BBX: variants seen among roughly 807,000 people sequenced by gnomAD.
BBX encodes BBX high mobility group box domain containing.
Under a neutral mutation model 100.2 loss-of-function variants are expected in BBX, and 30 were observed. That is an observed-to-expected ratio of 0.30 (90% CI 0.22 to 0.41). The LOEUF is 0.41. Among genes scored for constraint, BBX ranks in the 10% least tolerant of loss-of-function variants. BBX has a pLI of 1.00. For synonymous variants in BBX, 376 were observed against 388.1 expected (o/e 0.97, Z 0.37); for missense variants, 1,023 against 1,129.8 (o/e 0.91, Z 1.35).
At chr3:107,632,956 A>G (rs1241495683) in intron 2 of BBX, among the ~76,000 whole-genome samples, 1 of 152,230 alleles carries the variant, frequency 6.6e-6, no homozygotes, top group African/African-American at 2.4e-5. Flanking sequence ...TGATTAAAAA[A>G]CAACGACAAC....
At chr3:107,791,650 TG>T (rs2069052848) in intron 15 of BBX, among the ~76,000 whole-genome samples, 2 of 152,314 alleles carry the variant, frequency 1.3e-5, no homozygotes, top group South Asian at 4.1e-4. Context: ...CCTGGTTGGC[TG>T]GGCATGGGCA....
chr3:107,660,157 C>G (rs1020408186), intron 3 of BBX, among the ~76,000 whole-genome samples: 16 of 151,976 alleles, frequency 1.1e-4, no homozygotes, highest in Admixed American at 8.5e-4. Context: ...TAGTATCACT[C>G]ATCTAGATAT....
intron 16 of BBX, among the ~76,000 whole-genome samples, chr3:107,800,759 G>GC (rs1388024278): frequency 1.3e-5 from 2 of 152,244 alleles, no homozygotes; most frequent in Non-Finnish European, 2.9e-5. Flanking sequence ...GCATCTACAG[G>GC]CCCCTCTACA....
intron 3 of BBX, among the ~76,000 whole-genome samples, chr3:107,683,313 A>G (rs1432083394): frequency 2.6e-5 from 4 of 152,024 alleles, no homozygotes; most frequent in African/African-American, 9.7e-5. Context: ...TCAAGGTGTG[A>G]TGTGGTGTAA....
At chr3:107,718,487 G>A (rs577838041) in intron 5 of BBX, among the ~76,000 whole-genome samples, 2 of 151,436 alleles carry the variant, frequency 1.3e-5, no homozygotes, top group African/African-American at 4.8e-5. Flanking sequence ...CCATTAAATA[G>A]CCTTACATTT....
chr3:107,703,739 G>A (rs1283003690), intron 3 of BBX, among the ~76,000 whole-genome samples: 6 of 152,174 alleles, frequency 3.9e-5, no homozygotes. Flanking sequence ...TATTTTTCAT[G>A]TACTTTGTCT....
At chr3:107,713,688 G>T (rs959874007) in intron 4 of BBX, among the ~76,000 whole-genome samples, 1 of 152,098 alleles carries the variant, frequency 6.6e-6, no homozygotes, top group African/African-American at 2.4e-5. Context: ...GGTCCATACA[G>T]TTCCAAACTG....
intron 10 of BBX, among the ~76,000 whole-genome samples, chr3:107,761,035 T>C (rs116135353): frequency 0.011 from 1,619 of 152,318 alleles, 10 homozygotes; most frequent in Non-Finnish European, 0.017. Context: ...CTTTCCCTGC[T>C]GAGCCCTCAG....
At chr3:107,699,859 A>G (rs1361497011) in intron 3 of BBX, among the ~76,000 whole-genome samples, 1 of 151,992 alleles carries the variant, frequency 6.6e-6, no homozygotes, top group African/African-American at 2.4e-5. Flanking sequence ...TGTGAGTCAT[A>G]GTGAGGTAGA....
intron 13 of BBX, among the ~76,000 whole-genome samples, chr3:107,786,104 T>C (rs1576803701): frequency 6.6e-6 from 1 of 152,026 alleles, no homozygotes; most frequent in African/African-American, 2.4e-5. Context: ...AGTAAAGTAC[T>C]TAGAAATAAG....
At chr3:107,641,056 A>G (rs2057167226) in intron 2 of BBX, among the ~76,000 whole-genome samples, 1 of 150,856 alleles carries the variant, frequency 6.6e-6, no homozygotes, top group Admixed American at 6.6e-5. Flanking sequence ...CTGTTGGCAT[A>G]TAGGTAGGTG....
chr3:107,677,817 A>C (rs1395951517), intron 3 of BBX, among the ~76,000 whole-genome samples: 1 of 152,180 alleles, frequency 6.6e-6, no homozygotes, highest in Non-Finnish European at 1.5e-5. Context: ...CAAATTTACC[A>C]ATGATTTGGT....
intron 2 of BBX, among the ~76,000 whole-genome samples, chr3:107,636,283 C>T (rs1334116056): frequency 1.3e-5 from 2 of 152,098 alleles, no homozygotes; most frequent in Non-Finnish European, 1.5e-5. Context: ...AATATATATA[C>T]ATTCAAGGTA....
At chr3:107,564,708 T>G (rs1206416036) in intron 2 of BBX, among the ~76,000 whole-genome samples, 1 of 152,224 alleles carries the variant, frequency 6.6e-6, no homozygotes, top group Non-Finnish European at 1.5e-5. Context: ...ACATGTTATA[T>G]TCTATCAATT....
At position 107,755,615 on chromosome 3, in the gene BBX, G is replaced by A. The variant is rs373232502; in HGVS notation, c.843G>A (p.Ser281=). Residue 281 remains serine (S), a synonymous_variant, in exon 10 of 18, where the codon TCG becomes TCA. Transcript: ENST00000325805. ...FQFAEISSNT[S]QLGGAEPVKR... is the part of the protein sequence containing the mutation. ...TAATATAGATTTCTTCAAACACTTC[G>A]CAGTTGGGTGGTGCTGAGCCTGTAA... is the stretch of plus-strand genomic sequence containing the variant. 2.2e-4 allele frequency: 355 copies of A among 1,613,560 alleles called. No individual in the cohort carries two copies. The highest frequency in any genetic ancestry group is 2.9e-4 in the Non-Finnish European group (346 of 1,179,756).
rs1316549144 is a variant in BBX, at chr3:107,659,691, C to CCA, written c.-10+13786_-10+13787dup. ...AGGGTTTGTTCTCCTAACCACACCA[C>CCA]CACACTGCCTGTAGATTATCCTCAC... On this transcript the variant is annotated intron_variant, in intron 3 of 17. Transcript: ENST00000325805. 5 of 1,266,146 alleles carry CCA rather than the reference C, an allele frequency of 3.9e-6. No homozygotes were observed. The Admixed American group carries it at 9.5e-5, about 24-fold the overall frequency. The allele number at this position is 1,266,146 out of a possible 1,614,324, so 78.4% of individuals were successfully genotyped here.
At chr3:107,750,249 G>C (rs374061708) in intron 9 of BBX, among the ~76,000 whole-genome samples, 2 of 152,210 alleles carry the variant, frequency 1.3e-5, no homozygotes, top group African/African-American at 2.4e-5. Context: ...CATCTCCTGA[G>C]GACTCTTGGG....
Position 107,774,808 on chromosome 3 carries a change from G to T in BBX, c.2005G>T (p.Gly669Trp), listed in dbSNP as rs547946555. 2 of 1,613,570 alleles carry T rather than the reference G, an allele frequency of 1.2e-6. No individual in the cohort carries two copies. The highest frequency in any genetic ancestry group is 1.3e-5 in the African/African-American group (1 of 74,994). ...GACATTTAGTCAGAGTGGGACCAGT[G>T]GGAGCAAGAAGTTCAAGAAGACAAA... ...SWTFSQSGTS[G>W]SKKFKKTKPK... Residue 669 changes from glycine (G) to tryptophan (W), a missense_variant, in exon 12 of 18, where the codon GGG becomes TGG. Around this residue, in one of 9 missense-constraint regions of BBX, gnomAD observed 215 missense variants for 211.3 expected, o/e 1.02. Coordinates refer to ENST00000325805, the MANE Select transcript of BBX (RefSeq NM_001142568.3).
intron 3 of BBX, among the ~76,000 whole-genome samples, chr3:107,671,079 T>G (rs984161004): frequency 6.6e-6 from 1 of 150,722 alleles, no homozygotes; most frequent in South Asian, 2.1e-4. Flanking sequence ...TTTAAAAAAA[T>G]TTTTTGGAGT....
Sources: allele counts gnomAD v4.1 joint callset (sites outside exome capture counted in the v4.1 genomes callset), GRCh38; gene constraint gnomAD v4.1.1; regional missense constraint gnomAD v4.1.1; transcripts MANE v1.5; gene names NCBI Gene and HGNC (gene_info 2026-07-23, HGNC 2026-07-21).